Variants in SEPTIN9 observed in about 807,000 individuals in gnomAD.
SEPTIN9 encodes septin 9, also known as septin-9.
Under a neutral mutation model 56.6 loss-of-function variants are expected in SEPTIN9, and 13 were observed. The ratio of observed to expected loss-of-function variants is 0.23; its 90% CI spans 0.15 to 0.37. SEPTIN9 has a LOEUF of 0.37. SEPTIN9 is among the 10% of genes least tolerant of loss of function. The pLI, the probability that SEPTIN9 is intolerant of heterozygous loss-of-function variation, is 1.00. For synonymous variants in SEPTIN9, 332 were observed against 334.1 expected (o/e 0.99, Z 0.07); for missense variants, 650 against 823.1 (o/e 0.79, Z 2.57).
intron 10 of SEPTIN9, among the ~76,000 whole-genome samples, chr17:77,494,317 G>T (rs1194895198): frequency 6.6e-6 from 1 of 152,208 alleles, no homozygotes; most frequent in Non-Finnish European, 1.5e-5. Flanking sequence ...GGGCCCGAAC[G>T]TTTCCTTCCC....
At chr17:77,422,863 G>C (rs529494211) in intron 3 of SEPTIN9, among the ~76,000 whole-genome samples, 32 of 152,138 alleles carry the variant, frequency 2.1e-4, no homozygotes, top group African/African-American at 7.7e-4. Flanking sequence ...TGCTTGTCTA[G>C]CAGCCTCCAG....
intron 3 of SEPTIN9, among the ~76,000 whole-genome samples, chr17:77,423,622 C>T (rs917122918): frequency 2.6e-5 from 4 of 152,264 alleles, no homozygotes; most frequent in Admixed American, 6.5e-5. Flanking sequence ...CACCCTCGAT[C>T]TCAGCGCCTC....
chr17:77,484,436 ATGGTGG>A (rs1359480015), intron 4 of SEPTIN9, among the ~76,000 whole-genome samples: 1 of 28,896 alleles, frequency 3.5e-5, no homozygotes, highest in Non-Finnish European at 6.0e-5. Context: ...GGTGATGGTG[ATGGTGG>A]TGATGGTGGT....
intron 1 of SEPTIN9, 130 bp downstream of exon 1, chr17:77,281,684 G>A: frequency 1.1e-6 from 1 of 879,966 alleles, no homozygotes; most frequent in African/African-American, 1.8e-5. Context: ...CACACTGCAG[G>A]TCGAGTTCCT....
intron 2 of SEPTIN9, among the ~76,000 whole-genome samples, chr17:77,345,287 C>G (rs917405177): frequency 6.6e-6 from 1 of 152,158 alleles, no homozygotes; most frequent in Non-Finnish European, 1.5e-5. Flanking sequence ...AACTGCACAC[C>G]TGAAAATGGT....
chr17:77,348,830 T>G (rs973689501), intron 2 of SEPTIN9, among the ~76,000 whole-genome samples: 1 of 152,180 alleles, frequency 6.6e-6, no homozygotes, highest in East Asian at 1.9e-4. Context: ...AACTAGACAA[T>G]ACAATAAGGA....
intron 2 of SEPTIN9, among the ~76,000 whole-genome samples, chr17:77,351,055 A>G (rs369602929): frequency 1.3e-4 from 20 of 150,440 alleles, no homozygotes; most frequent in South Asian, 1.1e-3. Flanking sequence ...GTGTGTGCTG[A>G]GTGTGTATAT....
chr17:77,465,178 C>A (rs763005781), intron 3 of SEPTIN9, among the ~76,000 whole-genome samples: 3 of 152,226 alleles, frequency 2.0e-5, no homozygotes, highest in Non-Finnish European at 4.4e-5. Flanking sequence ...GTGCTTCATT[C>A]TTTTTCATGG....
At chr17:77,440,383 G>A (rs982730394) in intron 3 of SEPTIN9, among the ~76,000 whole-genome samples, 1 of 152,292 alleles carries the variant, frequency 6.6e-6, no homozygotes, top group African/African-American at 2.4e-5. Flanking sequence ...TCGAACTCCC[G>A]ACTTCAGGTG....
intron 3 of SEPTIN9, among the ~76,000 whole-genome samples, chr17:77,443,606 A>G (rs913573194): frequency 6.6e-6 from 1 of 152,078 alleles, no homozygotes; most frequent in Admixed American, 6.6e-5. Context: ...CAGCCTGGCC[A>G]ACATGGTGAA....
intron 2 of SEPTIN9, among the ~76,000 whole-genome samples, chr17:77,347,716 A>G (rs2033931786): frequency 6.6e-6 from 1 of 152,000 alleles, no homozygotes; most frequent in Non-Finnish European, 1.5e-5. Flanking sequence ...CATGGTGCGA[A>G]CGTGGTATGT....
In SEPTIN9 at chr17:77,402,571, G is replaced by C; in HGVS notation, c.589G>C (p.Glu197Gln). 6.2e-7 allele frequency: 1 copy of C among 1,611,296 alleles called. No individual in the cohort carries two copies. Among genetic ancestry groups the C allele is most frequent in the Non-Finnish European group, 8.5e-7 (1 of 1,179,030 alleles). ...GGAGATCCAGATGCCCAAGCCTGCT[G>C]AGGCGCCCACCGCCCCCAGCCCAGC... ...RVEIQMPKPA[E>Q]APTAPSPAQT... The change falls in exon 3 of 12, where the codon GAG (glutamate) becomes CAG (glutamine). Residue 197 changes from glutamate to glutamine, a missense_variant. Glu to Gln is a conservative substitution (Grantham distance 29). Transcript: ENST00000427177. The surrounding 1 kb of genome is among the most constrained non-coding windows in gnomAD (Gnocchi z 6.6).
At position 77,499,416 on chromosome 17, in the gene SEPTIN9, G is replaced by C; in HGVS notation, c.*758G>C. ...CCCCCACCGGGCTGCAGGTGCTGCTGATGCGCTGGGATCTGATTGAGGATA... is the reference window on the plus strand; with the variant it reads ...CCCCCACCGGGCTGCAGGTGCTGCTCATGCGCTGGGATCTGATTGAGGATA... On this transcript the variant is annotated 3_prime_UTR_variant, in exon 12 of 12. Transcript: ENST00000427177. The C allele has an allele frequency of 1.9e-6, 1 of 539,674 alleles. No homozygotes were observed. The highest frequency in any genetic ancestry group is 3.6e-6 in the Non-Finnish European group (1 of 278,192). 33.4% of individuals were successfully genotyped at this position (539,674 alleles called of 1,614,324 possible). A position where few individuals can be genotyped will look rare whatever the true frequency, so the allele number is the denominator to read the frequency against.
At chr17:77,338,936 G>C (rs968980053) in intron 2 of SEPTIN9, among the ~76,000 whole-genome samples, 1 of 152,096 alleles carries the variant, frequency 6.6e-6, no homozygotes, top group Non-Finnish European at 1.5e-5. Flanking sequence ...CAGCATCTTC[G>C]CCTGGAGTAG....
rs909664890 is a variant in SEPTIN9 at position 77,434,419 on chromosome 17, C to A, written c.721+31716C>A. On this transcript the variant is annotated intron_variant, in intron 3 of 11. Transcript: ENST00000427177. This position sits in a 1 kb window ranked among gnomAD's most constrained non-coding sequence, Gnocchi z 5.0. ...TGCGGTGAGGTCTCCATGGCTCCCTCGTCCTGCACATCCTTCCCTTGTTGT... is the reference window on the plus strand; with the variant it reads ...TGCGGTGAGGTCTCCATGGCTCCCTAGTCCTGCACATCCTTCCCTTGTTGT... 2.6e-5 allele frequency among the ~76,000 whole-genome samples: 4 copies of A among 152,322 alleles called. No individual in the cohort carries two copies. Among genetic ancestry groups the A allele is most frequent in the Non-Finnish European group, 4.4e-5 (3 of 68,020 alleles).
chr17:77,430,195 C>G (rs981147159), intron 3 of SEPTIN9, among the ~76,000 whole-genome samples: 2 of 152,104 alleles, frequency 1.3e-5, no homozygotes, highest in East Asian at 3.9e-4. Flanking sequence ...TGCTGGCCAC[C>G]CTCCCCCCGC....
chr17:77,310,827 G>A lies in SEPTIN9; in HGVS notation c.76+3630G>A, dbSNP rs1271528672. 6.6e-6 allele frequency among the ~76,000 whole-genome samples: 1 copy of A among 152,130 alleles called. No individual in the cohort carries two copies. The highest frequency in any genetic ancestry group is 1.9e-4 in the East Asian group (1 of 5,182). On this transcript the variant is annotated intron_variant, in intron 2 of 11. Coordinates refer to ENST00000427177, the MANE Select transcript of SEPTIN9 (RefSeq NM_001113491.2). This position sits in a 1 kb window ranked among gnomAD's most constrained non-coding sequence, Gnocchi z 4.7. ...TCCCTCTGGCCCTCAGACCCCGGCT[G>A]GGATCCTTGGAGCCAACTCCTCTGC...
chr17:77,403,925 G>A (rs974728854), intron 3 of SEPTIN9, among the ~76,000 whole-genome samples: 1 of 152,036 alleles, frequency 6.6e-6, no homozygotes, highest in Non-Finnish European at 1.5e-5. Context: ...GTTAGACCAA[G>A]CTCCCCATGC....
intron 10 of SEPTIN9, among the ~76,000 whole-genome samples, chr17:77,496,025 CTTTTTCTTTTTTT>C (rs2040242749): frequency 6.7e-6 from 1 of 149,826 alleles, no homozygotes; most frequent in Non-Finnish European, 1.5e-5. Flanking sequence ...TTTTCTTTTT[CTTTTTCTTTTTTT>C]TTTTTTTTGA....
Sources: gnomAD v4.1 joint callset for allele counts (sites outside exome capture counted in the v4.1 genomes callset) on GRCh38, gnomAD v4.1.1 for gene constraint, Gnocchi (gnomAD v3.1) non-coding constraint, MANE v1.5 for transcripts, NCBI Gene and HGNC (gene_info 2026-07-23, HGNC 2026-07-21) for gene names.